STK10: variants seen among roughly 807,000 people sequenced by gnomAD.
STK10 encodes the protein serine/threonine-protein kinase 10.
A neutral mutation model predicts 113.8 loss-of-function variants in STK10; 78 were observed. The ratio of observed to expected loss-of-function variants is 0.69; its 90% CI spans 0.57 to 0.83. STK10 has a LOEUF of 0.83. Among genes scored for constraint, STK10 ranks in the 40% least tolerant of loss-of-function variants. The pLI is 0.00. For synonymous variants in STK10, 465 were observed against 494.7 expected, an observed-to-expected ratio of 0.94 and a Z score of 0.80; for missense variants, 1,109 against 1,280.1, an observed-to-expected ratio of 0.87 and a Z score of 2.04.
In STK10 at chr5:172,054,772, C is replaced by T. The variant is rs531510189; in HGVS notation, c.2527-78G>A. On this transcript the variant is annotated intron_variant, in intron 16 of 18. Transcript: ENST00000176763. Reference sequence around the variant, plus strand: ...GTAGGGAGCCCCACTCAGCCCTGGCCCAGGGAGACCCCTCAGGGGGACTGG... The same window carrying T: ...GTAGGGAGCCCCACTCAGCCCTGGCTCAGGGAGACCCCTCAGGGGGACTGG... 11 of 1,583,532 alleles carry T rather than the reference C, an allele frequency of 6.9e-6. No homozygotes were observed. In the South Asian group the frequency reaches 1.1e-4, roughly 16 times the overall value.
At chr5:172,146,578 C>A (rs1770091030) in intron 2 of STK10, among the ~76,000 whole-genome samples, 1 of 152,204 alleles carries the variant, frequency 6.6e-6, no homozygotes, top group Admixed American at 6.5e-5. Context: ...GGTCACCTGG[C>A]CGGGGCAGGA....
chr5:172,059,434 C>CAAAAA (rs58446505), intron 14 of STK10, among the ~76,000 whole-genome samples: 4 of 56,998 alleles, frequency 7.0e-5, no homozygotes, highest in East Asian at 8.3e-4. Flanking sequence ...CTCTCCATCT[C>CAAAAA]AAAAAAAAAA....
chr5:172,084,102 T>C (rs1730319559), intron 10 of STK10, among the ~76,000 whole-genome samples: 1 of 151,702 alleles, frequency 6.6e-6, no homozygotes, highest in Non-Finnish European at 1.5e-5. Flanking sequence ...TAAGGAAACA[T>C]ATTAAAAATA....
At chr5:172,060,141 C>T (rs1767902373) in intron 14 of STK10, among the ~76,000 whole-genome samples, 1 of 152,168 alleles carries the variant, frequency 6.6e-6, no homozygotes, top group Admixed American at 6.5e-5. Flanking sequence ...GGCACGTTGG[C>T]TTATGCCTCT....
chr5:172,051,240 A>T (rs868726326), intron 18 of STK10, among the ~76,000 whole-genome samples: 30 of 152,216 alleles, frequency 2.0e-4, no homozygotes, highest in Admixed American at 2.6e-4. Context: ...TACAATATTT[A>T]AAAAAAATTA....
intron 3 of STK10, among the ~76,000 whole-genome samples, chr5:172,125,397 T>C (rs1225234768): frequency 6.6e-6 from 1 of 152,088 alleles, no homozygotes; most frequent in Non-Finnish European, 1.5e-5. Context: ...TCATTTTTTT[T>C]TTTTTGAGAT....
rs374433628 is a variant in STK10, at chr5:172,171,227, A to G, written c.157-14439T>C. Among the ~76,000 whole-genome samples the G allele has an allele frequency of 1.1e-3, 168 of 152,314 alleles. 1 individual carries two copies. The highest frequency in any genetic ancestry group is 3.9e-3 in the African/African-American group (163 of 41,562). On this transcript the variant is annotated intron_variant, in intron 1 of 18. Transcript: ENST00000176763. ...ATAATCCAAGGGACTCGCCTTTGGT[A>G]TTCTGCGGTGGGACGTTCTTGAACT...
intron 2 of STK10, among the ~76,000 whole-genome samples, chr5:172,130,383 T>G (rs1297627937): frequency 1.3e-5 from 2 of 151,974 alleles, no homozygotes; most frequent in African/African-American, 4.8e-5. Context: ...ATACAAAAAG[T>G]AGCCAGGTGT....
intron 12 of STK10, among the ~76,000 whole-genome samples, chr5:172,071,286 A>C (rs868348016): frequency 1.0e-4 from 11 of 109,346 alleles, no homozygotes; most frequent in African/African-American, 3.6e-4. Context: ...TGAAAAGTTT[A>C]AAAAAAAAAA....
chr5:172,111,836 A>T (rs1769244256), intron 4 of STK10, among the ~76,000 whole-genome samples: 1 of 152,260 alleles, frequency 6.6e-6, no homozygotes, highest in African/African-American at 2.4e-5. Context: ...CATGCTCATA[A>T]ATAAATAAAG....
rs1405856961 is a variant in STK10, at chr5:172,150,396, G to A, written c.321+6228C>T. On this transcript the variant is annotated intron_variant, in intron 2 of 18. Coordinates refer to ENST00000176763, the MANE Select transcript of STK10 (RefSeq NM_005990.4). ...GTCGGGAAGCTGAGGCAGGAGAATC[G>A]CTTGAACCTGGGAGGCAGAGGTTGC... 7.9e-5 allele frequency among the ~76,000 whole-genome samples: 12 copies of A among 151,094 alleles called. No homozygotes were observed. The East Asian group carries it at 2.0e-3, about 25-fold the overall frequency.
chr5:172,158,242 C>T (rs1770394165), intron 1 of STK10, among the ~76,000 whole-genome samples: 1 of 151,760 alleles, frequency 6.6e-6, no homozygotes, highest in Admixed American at 6.6e-5. Flanking sequence ...AAACATAGAC[C>T]TATCCTAGGA....
In STK10 at chr5:172,083,083, G is replaced by A. The variant is rs377403435; in HGVS notation, c.1687C>T (p.Arg563Cys). The change falls in exon 11 of 19, where the codon CGC (arginine) becomes TGC (cysteine). Residue 563 changes from arginine to cysteine, a missense_variant and splice_region_variant. Arg to Cys is a radical substitution (Grantham distance 180). Around this residue, in one of 5 missense-constraint regions of STK10, gnomAD observed 885 missense variants for 991.1 expected, o/e 0.89. Transcript: ENST00000176763. ...AGCCGAAGCTCTCGGAGTTCCTGGCGCCTGAAAGGTTAAAGGATACAGATA... is the reference window on the plus strand; with the variant it reads ...AGCCGAAGCTCTCGGAGTTCCTGGCACCTGAAAGGTTAAAGGATACAGATA... ...KKDEEMRFLRRQELRELRLLQ... is the reference protein window; with the variant it reads ...KKDEEMRFLRCQELRELRLLQ... The A allele has an allele frequency of 2.5e-6, 4 of 1,613,902 alleles. No individual in the cohort carries two copies. The highest frequency in any genetic ancestry group is 1.7e-5 in the Admixed American group (1 of 59,966).
chr5:172,172,343 C>T (rs1770676553), intron 1 of STK10, among the ~76,000 whole-genome samples: 2 of 152,204 alleles, frequency 1.3e-5, no homozygotes, highest in Non-Finnish European at 2.9e-5. Context: ...ACCCTGGTCG[C>T]GTGGTGCCGC....
chr5:172,157,178 A>C (rs1770367182), intron 1 of STK10, among the ~76,000 whole-genome samples: 1 of 152,200 alleles, frequency 6.6e-6, no homozygotes, highest in Admixed American at 6.5e-5. Flanking sequence ...AATGTATGGA[A>C]AACTCAGGAA....
At chr5:172,051,641 TAAAG>T (rs908205940) in intron 18 of STK10, among the ~76,000 whole-genome samples, 29 of 151,786 alleles carry the variant, frequency 1.9e-4, no homozygotes, top group African/African-American at 6.8e-4. Flanking sequence ...AAAAATAAAA[TAAAG>T]AAATCAACAG....
intron 2 of STK10, among the ~76,000 whole-genome samples, chr5:172,138,598 G>A (rs1769916170): frequency 6.6e-6 from 1 of 151,954 alleles, no homozygotes; most frequent in African/African-American, 2.4e-5. Flanking sequence ...ATTTACAACA[G>A]CATCAAAAAA....
At chr5:172,135,076 T>A (rs1366429749) in intron 2 of STK10, among the ~76,000 whole-genome samples, 1 of 151,920 alleles carries the variant, frequency 6.6e-6, no homozygotes, top group South Asian at 2.1e-4. Context: ...GGCAAAAGAT[T>A]TGAATAGATG....
At chr5:172,063,318 T>G (rs1400864603) in intron 13 of STK10, 1 of 152,166 alleles carries the variant, frequency 6.6e-6, no homozygotes, top group Non-Finnish European at 1.5e-5. Context: ...AAATAAATAA[T>G]GTGATCTTCT....
Sources: allele counts gnomAD v4.1 joint callset (sites outside exome capture counted in the v4.1 genomes callset), GRCh38; gene constraint gnomAD v4.1.1; regional missense constraint gnomAD v4.1.1; transcripts MANE v1.5; gene names NCBI Gene and HGNC (gene_info 2026-07-23, HGNC 2026-07-21).